The following R3HDM1 variants were observed in gnomAD, a reference collection of about 807,000 sequenced individuals.
The protein encoded by R3HDM1 is R3H domain containing 1, also known as R3H domain-containing protein 1.
Under a neutral mutation model 141.1 loss-of-function variants are expected in R3HDM1, and 46 were observed. That is an observed-to-expected ratio of 0.33 (90% CI 0.26 to 0.42). The LOEUF (loss-of-function observed/expected upper bound fraction) is 0.42. Ranked by LOEUF, R3HDM1 falls within the 10% of genes least tolerant of loss-of-function variation. The pLI is 1.00. For synonymous variants in R3HDM1, 435 were observed against 472.9 expected (o/e 0.92, Z 1.04); for missense variants, 1,184 against 1,368.3 (o/e 0.87, Z 2.12).
chr2:135,664,031 C>CAAA (rs11382173), intron 19 of R3HDM1, among the ~76,000 whole-genome samples: 16 of 103,730 alleles, frequency 1.5e-4, no homozygotes, highest in African/African-American at 3.2e-4. Context: ...GAGACTGTCT[C>CAAA]AAAAAAAAAA....
chr2:135,717,208 G>T (rs887041122), intron 24 of R3HDM1, among the ~76,000 whole-genome samples: 2 of 152,130 alleles, frequency 1.3e-5, no homozygotes, highest in African/African-American at 4.8e-5. Context: ...CACTTGCCAG[G>T]CATGGTGGCT....
chr2:135,595,812 C>G (rs992955920), intron 1 of R3HDM1, among the ~76,000 whole-genome samples: 1 of 152,156 alleles, frequency 6.6e-6, no homozygotes, highest in Admixed American at 6.5e-5. Context: ...ATCTTTTCTC[C>G]TTTTCAGCTT....
intron 3 of R3HDM1, 80 bp from the exon 4 acceptor site, chr2:135,616,072 T>G: frequency 7.2e-7 from 1 of 1,390,124 alleles, no homozygotes; most frequent in Non-Finnish European, 1.0e-6. Flanking sequence ...TTAGTTTTTC[T>G]GTGGTTTAGG....
At chr2:135,663,298 A>G (rs1012293580) in intron 19 of R3HDM1, among the ~76,000 whole-genome samples, 2 of 152,236 alleles carry the variant, frequency 1.3e-5, no homozygotes, top group African/African-American at 4.8e-5. Context: ...GGAGGAAACA[A>G]TAAATCAGGT....
chr2:135,714,764 T>TATAC (rs1553639117), intron 23 of R3HDM1, among the ~76,000 whole-genome samples: 2 of 146,768 alleles, frequency 1.4e-5, no homozygotes. Context: ...TATGGGTGTA[T>TATAC]ACACACACAC....
At chr2:135,564,740 T>C (rs1340024442) in intron 1 of R3HDM1, among the ~76,000 whole-genome samples, 2 of 152,240 alleles carry the variant, frequency 1.3e-5, no homozygotes, top group African/African-American at 2.4e-5. Flanking sequence ...TAAATAAATA[T>C]GTAATACACA....
At chr2:135,702,747 G>T (rs1298899031) in intron 21 of R3HDM1, among the ~76,000 whole-genome samples, 3 of 151,772 alleles carry the variant, frequency 2.0e-5, no homozygotes, top group African/African-American at 7.3e-5. Flanking sequence ...AACTTGGGAG[G>T]TGGAGGTTGC....
At chr2:135,684,299 C>T (rs1391256708) in intron 21 of R3HDM1, among the ~76,000 whole-genome samples, 1 of 152,052 alleles carries the variant, frequency 6.6e-6, no homozygotes, top group East Asian at 1.9e-4. Flanking sequence ...CCATGTTAGC[C>T]AGGATGGTCT....
intron 24 of R3HDM1, among the ~76,000 whole-genome samples, chr2:135,719,125 G>A (rs2076446350): frequency 6.6e-6 from 1 of 152,038 alleles, no homozygotes; most frequent in African/African-American, 2.4e-5. Flanking sequence ...TCCAGCCTGG[G>A]CGACAGAGCA....
chr2:135,535,669 T>C (rs1384088033), intron 1 of R3HDM1, among the ~76,000 whole-genome samples: 1 of 152,130 alleles, frequency 6.6e-6, no homozygotes, highest in Non-Finnish European at 1.5e-5. Flanking sequence ...AATACGGACA[T>C]GTGCAAAGAA....
intron 21 of R3HDM1, among the ~76,000 whole-genome samples, chr2:135,705,128 T>C (rs2074739330): frequency 1.3e-5 from 2 of 152,266 alleles, no homozygotes; most frequent in Admixed American, 1.3e-4. Flanking sequence ...TGGCAACATG[T>C]ATTAATTTGG....
At chr2:135,682,857 C>T (rs1030071296) in intron 21 of R3HDM1, among the ~76,000 whole-genome samples, 8 of 152,098 alleles carry the variant, frequency 5.3e-5, no homozygotes, top group East Asian at 1.9e-4. Flanking sequence ...ATTAGCCAGG[C>T]GTGGTGGCGA....
intron 7 of R3HDM1, among the ~76,000 whole-genome samples, chr2:135,624,590 G>A (rs943654956): frequency 2.0e-5 from 3 of 152,094 alleles, no homozygotes; most frequent in East Asian, 3.9e-4. Flanking sequence ...CCTATAAAAC[G>A]GTGATGAACC....
At position 135,709,430 on chromosome 2, in the gene R3HDM1, T is replaced by C. The variant is rs748030106; in HGVS notation, c.2460-3T>C. The C allele has an allele frequency of 6.2e-7, 1 of 1,613,980 alleles. No individual in the cohort carries two copies. The highest frequency in any genetic ancestry group is 1.7e-5 in the Admixed American group (1 of 59,992). On this transcript the variant is annotated splice_region_variant and splice_polypyrimidine_tract_variant and intron_variant, in intron 21 of 26. Transcript: ENST00000683871. ...TTATGCTGTTTTTTTGTTTTTTCCA[T>C]AGCTCTTCAGTAGGTTACCTGCAAC...
chr2:135,599,373 T>G (rs2059439805), intron 1 of R3HDM1, among the ~76,000 whole-genome samples: 1 of 152,236 alleles, frequency 6.6e-6, no homozygotes, highest in African/African-American at 2.4e-5. Context: ...GTTTTTAAAT[T>G]TCAGTAATAG....
At chr2:135,651,391 T>C in intron 17 of R3HDM1, 1 of 983,366 alleles carries the variant, frequency 1.0e-6, no homozygotes, top group Non-Finnish European at 1.2e-6. Flanking sequence ...TTGTATAATA[T>C]GAACTTGGCC....
At position 135,565,981 on chromosome 2, in the gene R3HDM1, A is replaced by G. The variant is rs1248430414; in HGVS notation, c.-250+34348A>G. Reference sequence around the variant, plus strand: ...GGTGTATCAAGTGAATGAGAAACCTATGGCTACTTGAGATAATGGGAGTGC... The same window carrying G: ...GGTGTATCAAGTGAATGAGAAACCTGTGGCTACTTGAGATAATGGGAGTGC... On this transcript the variant is annotated intron_variant, in intron 1 of 26. Coordinates refer to ENST00000683871, the MANE Select transcript of R3HDM1 (RefSeq NM_001378107.1). The G allele has an allele frequency of 2.0e-5, 3 of 152,224 alleles. No individual in the cohort carries two copies. In the South Asian group the frequency reaches 6.2e-4, roughly 32 times the overall value. 9.4% of individuals were successfully genotyped at this position (152,224 alleles called of 1,614,324 possible).
intron 9 of R3HDM1, among the ~76,000 whole-genome samples, chr2:135,634,757 A>G (rs1364663703): frequency 6.6e-6 from 1 of 152,248 alleles, no homozygotes; most frequent in Non-Finnish European, 1.5e-5. Context: ...TTATTCACAT[A>G]TATCATTTGA....
intron 1 of R3HDM1, chr2:135,542,999 A>G: frequency 1.4e-6 from 1 of 707,168 alleles, no homozygotes; most frequent in Non-Finnish European, 1.7e-6. Flanking sequence ...AGGCCTCCCA[A>G]AGTGCTGGGA....
Sources: allele counts gnomAD v4.1 joint callset (sites outside exome capture counted in the v4.1 genomes callset), GRCh38; gene constraint gnomAD v4.1.1; transcripts MANE v1.5; gene names NCBI Gene and HGNC (gene_info 2026-07-23, HGNC 2026-07-21).